Variants in UGT2B11 observed in about 807,000 individuals in gnomAD.
UGT2B11 encodes UDP glucuronosyltransferase family 2 member B11.
A neutral mutation model predicts 51.7 loss-of-function variants in UGT2B11; 49 were observed. The ratio of observed to expected loss-of-function variants is 0.95; its 90% confidence interval spans 0.75 to 1.20. UGT2B11 has a LOEUF of 1.20. Among genes scored for constraint, UGT2B11 ranks in the 50% most tolerant of loss-of-function variants. The probability of loss-of-function intolerance (pLI) is 0.00; values close to 1 mark genes in which losing one functional copy is unlikely to be tolerated. For synonymous variants in UGT2B11, 273 were observed against 209.0 expected (o/e 1.31, Z -2.64); for missense variants, 810 against 622.1 (o/e 1.30, Z -3.21).
intron 1 of UGT2B11, among the ~76,000 whole-genome samples, 155 bp from the exon 2 acceptor site, chr4:69,212,876 A>G (rs1470325361): frequency 2.0e-5 from 3 of 150,672 alleles, no homozygotes; most frequent in Non-Finnish European, 4.4e-5. Context: ...ATTATTATGT[A>G]TTATATATTT....
the UGT2B11 span, among the ~76,000 whole-genome samples, chr4:69,221,184 C>A: frequency 2.4e-3 from 367 of 152,184 alleles, no homozygotes; most frequent in African/African-American, 8.3e-3. Flanking sequence ...GCTGTGATAT[C>A]ACAGATGAAA....
intron 3 of UGT2B11, among the ~76,000 whole-genome samples, chr4:69,206,132 G>C (rs4406086): frequency 0.79 from 119,753 of 150,758 alleles, 47,723 homozygotes; most frequent in Non-Finnish European, 0.82. Context: ...GGGTATATAA[G>C]CAAAGGACTA....
At position 69,214,736 on chromosome 4, in the gene UGT2B11, G is replaced by T. The variant is rs376428937; in HGVS notation, c.-14C>A. Reference sequence around the variant, plus strand: ...TTTCAGAGTCATCCTGGTGCAATGCGATCATTCTTTTCCAGTCACTGTTTC... The same window carrying T: ...TTTCAGAGTCATCCTGGTGCAATGCTATCATTCTTTTCCAGTCACTGTTTC... On this transcript the variant is annotated 5_prime_UTR_variant, in exon 1 of 6. Coordinates refer to ENST00000446444, the MANE Select transcript of UGT2B11 (RefSeq NM_001073.3). 11 of 1,606,928 alleles carry T rather than the reference G, an allele frequency of 6.8e-6. No homozygotes were observed. Among genetic ancestry groups the T allele is most frequent in the African/African-American group, 5.4e-5 (4 of 74,572 alleles).
intron 5 of UGT2B11, among the ~76,000 whole-genome samples, chr4:69,202,104 A>G (rs1721680046): frequency 6.6e-6 from 1 of 151,752 alleles, no homozygotes; most frequent in Non-Finnish European, 1.5e-5. Flanking sequence ...TTAATGTAGC[A>G]GTTCTTGGGT....
intron 5 of UGT2B11, among the ~76,000 whole-genome samples, chr4:69,200,978 G>A (rs1472619197): frequency 2.7e-5 from 4 of 149,100 alleles, no homozygotes; most frequent in African/African-American, 7.4e-5. Context: ...GAAAATATAA[G>A]GCATTTTAAC....
the UGT2B11 span, among the ~76,000 whole-genome samples, chr4:69,224,559 G>A: frequency 1.3e-5 from 2 of 152,086 alleles, no homozygotes; most frequent in South Asian, 4.2e-4. Context: ...TTCTAAGGAA[G>A]GACAGGACAG....
chr4:69,202,807 A>G (rs1721707579), intron 5 of UGT2B11, among the ~76,000 whole-genome samples: 1 of 151,556 alleles, frequency 6.6e-6, no homozygotes, highest in Non-Finnish European at 1.5e-5. Context: ...TTTCTTTTCA[A>G]TTATTTCCCA....
the UGT2B11 span, among the ~76,000 whole-genome samples, chr4:69,224,492 T>C: frequency 2.6e-4 from 39 of 152,186 alleles, no homozygotes; most frequent in African/African-American, 7.2e-4. Flanking sequence ...GTCTTTAGTC[T>C]CATGGCCGCG....
At chr4:69,223,488 A>T in the UGT2B11 span, among the ~76,000 whole-genome samples, 4 of 152,126 alleles carry the variant, frequency 2.6e-5, no homozygotes, top group Non-Finnish European at 5.9e-5. Flanking sequence ...CCCACTGACC[A>T]CTAAATGGAG....
chr4:69,200,680 A>G lies in UGT2B11; in HGVS notation c.1350T>C (p.His450=). The G allele has an allele frequency of 6.2e-7, 1 of 1,611,944 alleles. No homozygotes were observed. The highest frequency in any genetic ancestry group is 8.5e-7 in the Non-Finnish European group (1 of 1,178,738). Residue 450 remains histidine (H), a synonymous_variant, in exon 6 of 6, where the codon CAT becomes CAC. Transcript: ENST00000446444. Reference sequence around the variant, plus strand: ...GATCCAGGGGCTTTACTGGTTGATCATGTTGAATTCTTGATAATTTCATAA... The same window carrying G: ...GATCCAGGGGCTTTACTGGTTGATCGTGTTGAATTCTTGATAATTTCATAA... ...ENIMKLSRIQ[H]DQPVKPLDRA...
rs1721772594 is a variant in UGT2B11, at chr4:69,204,450, C to T, written c.1290G>A (p.Lys430=). ...CTCACAAAGGATCATTAATTACTGT[C>T]TTCAGTGCATTCAGCAGGTCTGTAC... ...MSSTDLLNAL[K]TVINDPLYKE... The change falls in exon 5 of 6, where the codon AAG becomes AAA. Residue 430 remains lysine, a synonymous_variant. Transcript: ENST00000446444. 6.2e-7 allele frequency: 1 copy of T among 1,611,756 alleles called. No homozygotes were observed. The highest frequency in any genetic ancestry group is 8.5e-7 in the Non-Finnish European group (1 of 1,178,586).
the UGT2B11 span, among the ~76,000 whole-genome samples, chr4:69,221,143 G>A: frequency 6.6e-6 from 1 of 152,210 alleles, no homozygotes; most frequent in East Asian, 1.9e-4. Context: ...AGAAAGCACA[G>A]TTCTTTCGGA....
At position 69,200,616 on chromosome 4, in the gene UGT2B11, C is replaced by A. The variant is rs752225847; in HGVS notation, c.1414G>T (p.Gly472Ter). The A allele has an allele frequency of 6.2e-7, 1 of 1,612,414 alleles. No individual in the cohort carries two copies. Among genetic ancestry groups the A allele is most frequent in the South Asian group, 1.1e-5 (1 of 91,032 alleles). The change falls in exon 6 of 6, where the codon GGA becomes TGA. Residue 472 changes from glycine (G) to a stop codon, truncating the protein, a stop_gained. Transcript: ENST00000446444. LOFTEE classifies it high-confidence loss of function. ...FWIEFVMPHK[G>*]AKHLRVAAHD... is the part of the protein sequence containing the mutation. ...GCTGCAACTCGAAGGTGTTTGGCTC[C>A]TTTGTGGGGCATGACAAATTCAATC...
At position 69,204,589 on chromosome 4, in the gene UGT2B11, A is replaced by G. The variant is rs1162417742; in HGVS notation, c.1151T>C (p.Ile384Thr). 1.9e-6 allele frequency: 3 copies of G among 1,612,018 alleles called. No individual in the cohort carries two copies. Among genetic ancestry groups the G allele is most frequent in the Non-Finnish European group, 2.5e-6 (3 of 1,178,764 alleles). The change falls in exon 5 of 6, where the codon ATC becomes ACC. Residue 384 changes from isoleucine to threonine, a missense_variant. By Grantham distance (89) the Ile-to-Thr change is moderately conservative. Transcript: ENST00000446444. ...HGGANGIYEA[I>T]YHGIPMVGIP... ...GCCCACCATAGGGATCCCATGGTAG[A>G]TTGCCTCATAGATGCCATTGGCTCC... is the stretch of plus-strand genomic sequence containing the variant.
rs1479081901 is a variant in UGT2B11 at position 69,208,419 on chromosome 4, C to T, written c.934G>A (p.Val312Met). The change falls in exon 3 of 6, where the codon GTG becomes ATG. Residue 312 changes from valine to methionine, a missense_variant. Transcript: ENST00000446444. ...NGVVVFSLGS[V>M]ISNMTAERAN... is the part of the protein sequence containing the mutation. ...CTTTCTGCTGTCATGTTACTTATCA[C>T]TGACCCCAGAGAAAACACCACAACA... 10 of 1,610,426 alleles carry T rather than the reference C, an allele frequency of 6.2e-6. No homozygotes were observed. The highest frequency in any genetic ancestry group is 4.5e-5 in the East Asian group (2 of 44,770).
Position 69,200,296 on chromosome 4 carries a change from C to G in UGT2B11, c.*144G>C. ...CTCTGAAAAACAAATTTTTACTTGA[C>G]AAGGTAGATTTGAAAATTTTTTTTT... On this transcript the variant is annotated 3_prime_UTR_variant, in exon 6 of 6. Coordinates refer to ENST00000446444, the MANE Select transcript of UGT2B11 (RefSeq NM_001073.3). The G allele has an allele frequency of 8.2e-7, 1 of 1,226,570 alleles. No homozygotes were observed. Among genetic ancestry groups the G allele is most frequent in the Non-Finnish European group, 1.0e-6 (1 of 953,544 alleles). 76.0% of individuals were successfully genotyped at this position (1,226,570 alleles called of 1,614,324 possible).
intron 5 of UGT2B11, 24 bp downstream of exon 5, chr4:69,204,406 A>G (rs1238618419): frequency 3.1e-6 from 5 of 1,609,852 alleles, no homozygotes; most frequent in African/African-American, 1.3e-5. Context: ...AATACCACCT[A>G]GTGAAAAACA....
In UGT2B11 at chr4:69,200,449, T is replaced by G. The variant is rs1721607482; in HGVS notation, c.1581A>C (p.Lys527Asn). The change falls in exon 6 of 6, where the codon AAA becomes AAC. Residue 527 changes from lysine to asparagine, a missense_variant. Physicochemically the swap from Lys to Asn is moderately conservative, Grantham distance 94. Transcript: ENST00000446444. ...CAAATGTCAGACATAACTAATCTCT[T>G]TTTCCCTTCTTCCCTTTTCTAGCAA... is the stretch of plus-strand genomic sequence containing the variant. ...WKFARKGKKG[K>N]RD 5.6e-6 allele frequency: 9 copies of G among 1,611,212 alleles called. No homozygotes were observed. The highest frequency in any genetic ancestry group is 1.3e-5 in the African/African-American group (1 of 74,782).
intron 4 of UGT2B11, among the ~76,000 whole-genome samples, 192 bp downstream of exon 4, chr4:69,205,288 T>G (rs575702616): frequency 6.6e-6 from 1 of 151,928 alleles, no homozygotes; most frequent in African/African-American, 2.4e-5. Context: ...TCTCTGATTC[T>G]GACCATAAAG....
Sources: allele counts gnomAD v4.1 joint callset (sites outside exome capture counted in the v4.1 genomes callset), GRCh38; gene constraint gnomAD v4.1.1; transcripts MANE v1.5; gene names NCBI Gene and HGNC (gene_info 2026-07-23, HGNC 2026-07-21).